The following GARS1 variants were observed in gnomAD, a reference collection of about 807,000 sequenced individuals.
GARS1 encodes glycine--tRNA ligase.
GARS1 carries 46 observed loss-of-function variants against 86.4 expected under a neutral mutation model. The observed-to-expected ratio is 0.53, with a 90% CI of 0.42 to 0.68. The LOEUF (loss-of-function observed/expected upper bound fraction) is 0.68. Ranked by LOEUF, GARS1 falls within the 30% of genes least tolerant of loss-of-function variation. GARS1 has a pLI of 0.00. For missense variants in GARS1, 797 were observed against 915.6 expected (o/e 0.87, Z 1.67); for synonymous variants, 342 against 329.8 (o/e 1.04, Z -0.40).
At position 30,600,958 on chromosome 7, in the gene GARS1, T is replaced by C. The variant is rs527491538; in HGVS notation, c.428-101T>C. ...GAGGGATTTGCATTGTTGACTTGAATACACTTTTAGGGAGTATAGGTATCA... is the reference window on the plus strand; with the variant it reads ...GAGGGATTTGCATTGTTGACTTGAACACACTTTTAGGGAGTATAGGTATCA... On this transcript the variant is annotated intron_variant, in intron 3 of 16. Transcript: ENST00000389266. 4.6e-6 allele frequency: 5 copies of C among 1,080,756 alleles called. No homozygotes were observed. In the Admixed American group the frequency reaches 8.6e-5, roughly 19 times the overall value. The allele number at this position is 1,080,756 out of a possible 1,614,324, so 66.9% of individuals were successfully genotyped here. A position where few individuals can be genotyped will look rare whatever the true frequency, so the allele number is the denominator to read the frequency against.
At chr7:30,611,451 G>C (rs557837707) in intron 7 of GARS1, among the ~76,000 whole-genome samples, 15 of 152,294 alleles carry the variant, frequency 9.8e-5, no homozygotes, top group African/African-American at 3.6e-4. Context: ...GAAGACATCA[G>C]GGGTTTAAGG....
rs1370603194 is a variant in GARS1 at position 30,632,640 on chromosome 7, T to C, written c.2094+203T>C. 1.3e-5 allele frequency among the ~76,000 whole-genome samples: 2 copies of C among 152,362 alleles called. No individual in the cohort carries two copies. Among genetic ancestry groups the C allele is most frequent in the African/African-American group, 2.4e-5 (1 of 41,580 alleles). ...TATCCATTAGCACTTCTCTAATATT[T>C]TATAAACATTTGTGTTGCTCCAGGC... On this transcript the variant is annotated intron_variant, in intron 16 of 16. Transcript: ENST00000389266. The surrounding 1 kb of genome is among the most constrained non-coding windows in gnomAD (Gnocchi z 4.1).
intron 8 of GARS1, 61 bp downstream of exon 8, chr7:30,612,306 A>C: frequency 6.7e-7 from 1 of 1,500,320 alleles, no homozygotes; most frequent in Non-Finnish European, 9.3e-7. Flanking sequence ...TGAAAATGAA[A>C]GCTTGCTGTT....
In GARS1 at chr7:30,600,929, T is replaced by C. The variant is rs934366721; in HGVS notation, c.428-130T>C. Reference sequence around the variant, plus strand: ...GCTAGCTGAAAGTAAGGTTCTTCAGTATTGAGGGATTTGCATTGTTGACTT... The same window carrying C: ...GCTAGCTGAAAGTAAGGTTCTTCAGCATTGAGGGATTTGCATTGTTGACTT... On this transcript the variant is annotated intron_variant, in intron 3 of 16. Coordinates refer to ENST00000389266, the MANE Select transcript of GARS1 (RefSeq NM_002047.4). The C allele has an allele frequency of 7.3e-6, 6 of 816,398 alleles. No individual in the cohort carries two copies. The Admixed American group carries it at 7.6e-5, about 10-fold the overall frequency. 50.6% of individuals were successfully genotyped at this position (816,398 alleles called of 1,614,324 possible).
chr7:30,626,386 G>A (rs1031196786), intron 13 of GARS1, 67 bp downstream of exon 13: 12 of 1,012,852 alleles, frequency 1.2e-5, no homozygotes, highest in Non-Finnish European at 1.7e-5. Flanking sequence ...GTTTGAGACA[G>A]GGTCTTGCTC....
In GARS1 at chr7:30,600,899, C is replaced by T. The variant is rs150727627; in HGVS notation, c.428-160C>T. Reference sequence around the variant, plus strand: ...CGTAAGAGCTTTTTTATTTTACTTCCATCAGCTAGCTGAAAGTAAGGTTCT... The same window carrying T: ...CGTAAGAGCTTTTTTATTTTACTTCTATCAGCTAGCTGAAAGTAAGGTTCT... On this transcript the variant is annotated intron_variant, in intron 3 of 16. Coordinates refer to ENST00000389266, the MANE Select transcript of GARS1 (RefSeq NM_002047.4). Among the ~76,000 whole-genome samples, 380 of 152,272 alleles carry T rather than the reference C, an allele frequency of 2.5e-3. 2 individuals are homozygous for T. The highest frequency in any genetic ancestry group is 8.7e-3 in the African/African-American group (363 of 41,558).
At chr7:30,631,760 C>G (rs1783239487) in intron 15 of GARS1, among the ~76,000 whole-genome samples, 2 of 152,132 alleles carry the variant, frequency 1.3e-5, no homozygotes, top group Non-Finnish European at 2.9e-5. Context: ...AGGTAGGACC[C>G]AAGAGTCAGA....
chr7:30,613,253 A>G (rs1158610381), intron 8 of GARS1, among the ~76,000 whole-genome samples: 1 of 152,218 alleles, frequency 6.6e-6, no homozygotes, highest in East Asian at 1.9e-4. Flanking sequence ...GGACTTACAG[A>G]GGAAAGAATG....
intron 8 of GARS1, among the ~76,000 whole-genome samples, chr7:30,615,298 G>A (rs1254346630): frequency 2.0e-5 from 3 of 152,204 alleles, no homozygotes; most frequent in African/African-American, 2.4e-5. Flanking sequence ...TGCTATGAAA[G>A]CTAAAGAACC....
At chr7:30,617,525 G>T in intron 10 of GARS1, among the ~76,000 whole-genome samples, 1 of 152,196 alleles carries the variant, frequency 6.6e-6, no homozygotes, top group East Asian at 1.9e-4. Context: ...TGTGTACACT[G>T]CTGTACAGTG....
intron 1 of GARS1, chr7:30,595,954 C>T (rs557767198): frequency 2.1e-6 from 1 of 469,210 alleles, no homozygotes; most frequent in Non-Finnish European, 4.4e-6. Flanking sequence ...GTTTCATGGG[C>T]TGAAGGACTT....
intron 2 of GARS1, among the ~76,000 whole-genome samples, chr7:30,599,478 C>A (rs370539622): frequency 6.6e-6 from 1 of 152,278 alleles, no homozygotes; most frequent in East Asian, 1.9e-4. Context: ...TCTCAGCTCA[C>A]TGCAACCTCT....
intron 13 of GARS1, among the ~76,000 whole-genome samples, chr7:30,627,947 G>A (rs1783159691): frequency 6.6e-6 from 1 of 152,174 alleles, no homozygotes; most frequent in Non-Finnish European, 1.5e-5. Context: ...AAGTGTAGCT[G>A]CTGCTATTCG....
chr7:30,627,273 C>G (rs566089404), intron 13 of GARS1: 1 of 241,676 alleles, frequency 4.1e-6, no homozygotes, highest in South Asian at 4.2e-5. Flanking sequence ...GGGGGCTTCT[C>G]CATCACACTC....
In GARS1 at chr7:30,621,511, T is replaced by C. The variant is rs749590948; in HGVS notation, c.1467+11T>C. 57 of 1,600,824 alleles carry C rather than the reference T, an allele frequency of 3.6e-5. No homozygotes were observed. The highest frequency in any genetic ancestry group is 4.8e-5 in the Non-Finnish European group (56 of 1,167,952). ...CCTCTGAAAGAACCCATATCCTTTC[T>C]GGTCACTCCAAAAACTCAGGATTCA... On this transcript the variant is annotated intron_variant, in intron 11 of 16. Coordinates refer to ENST00000389266, the MANE Select transcript of GARS1 (RefSeq NM_002047.4).
chr7:30,600,008 A>G lies in GARS1; in HGVS notation c.386A>G (p.Lys129Arg). ...CGAGCAAAAATGGAAGATACCCTGA[A>G]GAGGAGGTTTTTCTATGATCAAGCT... The part of the protein sequence containing the change: ...VDRAKMEDTL[K>R]RRFFYDQAFA... The change falls in exon 3 of 17, where the codon AAG (lysine) becomes AGG (arginine). Residue 129 changes from lysine to arginine, a missense_variant. Coordinates refer to ENST00000389266, the MANE Select transcript of GARS1 (RefSeq NM_002047.4). The G allele has an allele frequency of 6.2e-7, 1 of 1,614,066 alleles. No homozygotes were observed. Among genetic ancestry groups the G allele is most frequent in the East Asian group, 2.2e-5 (1 of 44,860 alleles).
intron 11 of GARS1, among the ~76,000 whole-genome samples, chr7:30,621,888 A>G (rs1783015721): frequency 6.6e-6 from 1 of 152,236 alleles, no homozygotes; most frequent in South Asian, 2.1e-4. Flanking sequence ...TAGTAGCTGA[A>G]ATAATAATTT....
intron 7 of GARS1, among the ~76,000 whole-genome samples, chr7:30,610,770 A>G (rs541713281): frequency 2.0e-5 from 3 of 152,370 alleles, no homozygotes; most frequent in South Asian, 4.1e-4. Context: ...TAACCTATTC[A>G]GTAATTTGAG....
At position 30,615,989 on chromosome 7, in the gene GARS1, G is replaced by GT. The variant is rs1782882719; in HGVS notation, c.1126dup (p.Tyr376LeufsTer22). On this transcript the variant is annotated frameshift_variant, in exon 9 of 17. Transcript: ENST00000389266. LOFTEE classifies it high-confidence loss of function. ...ATGTGGCAGACCTTCACCTTTATTTGTATTCAGCAAAAGCCCAGGTCAGCG... is the reference window on the plus strand; with the variant it reads ...ATGTGGCAGACCTTCACCTTTATTTGTTATTCAGCAAAAGCCCAGGTCAGCG... 1.2e-6 allele frequency: 2 copies of GT among 1,614,064 alleles called. No homozygotes were observed. Among genetic ancestry groups the GT allele is most frequent in the African/African-American group, 2.7e-5 (2 of 74,922 alleles).
Sources: gnomAD v4.1 joint callset for allele counts (sites outside exome capture counted in the v4.1 genomes callset) on GRCh38, gnomAD v4.1.1 for gene constraint, Gnocchi (gnomAD v3.1) non-coding constraint, MANE v1.5 for transcripts, NCBI Gene and HGNC (gene_info 2026-07-23, HGNC 2026-07-21) for gene names.